The following PPP3CC variants were observed in gnomAD, a reference collection of about 807,000 sequenced individuals.
PPP3CC encodes the protein serine/threonine-protein phosphatase 2B catalytic subunit gamma isoform.
In PPP3CC, 35 loss-of-function variants were observed where a neutral mutation model predicts 60.3. The ratio of observed to expected loss-of-function variants is 0.58; its 90% CI spans 0.44 to 0.77. PPP3CC has a LOEUF of 0.77. PPP3CC is among the 30% of genes least tolerant of loss of function. The pLI, the probability that PPP3CC is intolerant of heterozygous loss-of-function variation, is 0.00. For missense variants in PPP3CC, 570 were observed against 628.9 expected (o/e 0.91, Z 1.00); for synonymous variants, 206 against 224.3 (o/e 0.92, Z 0.73).
chr8:22,442,247 C>T (rs1049890174), intron 1 of PPP3CC, among the ~76,000 whole-genome samples: 1 of 152,226 alleles, frequency 6.6e-6, no homozygotes, highest in African/African-American at 2.4e-5. Flanking sequence ...AAGTCTTAGG[C>T]ACAACCCTTC....
intron 3 of PPP3CC, among the ~76,000 whole-genome samples, chr8:22,485,092 C>T (rs756755649): frequency 6.6e-6 from 1 of 152,086 alleles, no homozygotes; most frequent in Non-Finnish European, 1.5e-5. Context: ...ATGATCCTTA[C>T]GATGTTTGAA....
chr8:22,509,081 T>C (rs986792716), intron 4 of PPP3CC, among the ~76,000 whole-genome samples: 3 of 152,200 alleles, frequency 2.0e-5, no homozygotes, highest in Admixed American at 2.0e-4. Context: ...GTATTGGCGT[T>C]AAAGAGAAAT....
At chr8:22,472,804 C>G (rs534890289) in intron 1 of PPP3CC, among the ~76,000 whole-genome samples, 45 of 152,172 alleles carry the variant, frequency 3.0e-4, no homozygotes, top group Admixed American at 7.9e-4. Context: ...GTTGGGGGTT[C>G]TTTTTCTTTC....
chr8:22,478,315 C>T (rs139830932), intron 3 of PPP3CC, among the ~76,000 whole-genome samples: 3,166 of 145,428 alleles, frequency 0.022, 116 homozygotes, highest in African/African-American at 0.076. Flanking sequence ...CCACACCCGG[C>T]TAATTTCTGT....
At chr8:22,467,723 G>A (rs563165137) in intron 1 of PPP3CC, among the ~76,000 whole-genome samples, 2 of 152,204 alleles carry the variant, frequency 1.3e-5, no homozygotes, top group South Asian at 4.1e-4. Context: ...CACCGCCCCC[G>A]GCCTGTTCAA....
chr8:22,447,744 T>C (rs1323673042), intron 1 of PPP3CC, among the ~76,000 whole-genome samples: 1 of 152,242 alleles, frequency 6.6e-6, no homozygotes. Flanking sequence ...TCCAGATGAA[T>C]GTAGAGAGAA....
chr8:22,540,987 A>G lies in PPP3CC; in HGVS notation c.*185A>G. The G allele has an allele frequency of 2.2e-6, 1 of 447,810 alleles. No individual in the cohort carries two copies. The highest frequency in any genetic ancestry group is 3.7e-6 in the Non-Finnish European group (1 of 270,564). The allele number at this position is 447,810 out of a possible 1,614,324, so 27.7% of individuals were successfully genotyped here. On this transcript the variant is annotated 3_prime_UTR_variant, in exon 14 of 14. Transcript: ENST00000240139. ...TTCTTTTAATTTATGTTCAATATAT[A>G]TAAAAAGTGCATCTGTTTTGTTTTT...
At chr8:22,531,469 C>G in intron 10 of PPP3CC, 1 of 855,734 alleles carries the variant, frequency 1.2e-6, no homozygotes, top group Non-Finnish European at 1.8e-6. Flanking sequence ...TATGTTTTCT[C>G]TGGACCTGTT....
chr8:22,469,252 C>G (rs139060166), intron 1 of PPP3CC, among the ~76,000 whole-genome samples: 37 of 152,170 alleles, frequency 2.4e-4, no homozygotes, highest in Admixed American at 1.4e-3. Context: ...AGACAAATAT[C>G]ATATATTCTC....
intron 1 of PPP3CC, among the ~76,000 whole-genome samples, chr8:22,452,767 A>G (rs1433966068): frequency 6.6e-6 from 1 of 152,236 alleles, no homozygotes; most frequent in Non-Finnish European, 1.5e-5. Flanking sequence ...GCAAGCACAT[A>G]GTGAGTACTC....
At chr8:22,446,426 G>A (rs1259021725) in intron 1 of PPP3CC, among the ~76,000 whole-genome samples, 1 of 152,100 alleles carries the variant, frequency 6.6e-6, no homozygotes, top group African/African-American at 2.4e-5. Flanking sequence ...AAAATGCTAA[G>A]GACTCATTAC....
In PPP3CC at chr8:22,441,140, G is replaced by A. The variant is rs1449443135; in HGVS notation, c.-270G>A. 3 of 338,730 alleles carry A rather than the reference G, an allele frequency of 8.9e-6. No individual in the cohort carries two copies. The highest frequency in any genetic ancestry group is 1.6e-5 in the Non-Finnish European group (3 of 187,800). 21.0% of individuals were successfully genotyped at this position (338,730 alleles called of 1,614,324 possible). A position where few individuals can be genotyped will look rare whatever the true frequency, so the allele number is the denominator to read the frequency against. On this transcript the variant is annotated 5_prime_UTR_variant, in exon 1 of 14. Transcript: ENST00000240139. ...GTCCCGGTCGCCACCCTTAGCAGCG[G>A]TCGCGGTCGGTGCCGAAGCGGTGTT... is the stretch of plus-strand genomic sequence containing the variant.
chr8:22,470,430 A>G (rs1029114185), intron 1 of PPP3CC, among the ~76,000 whole-genome samples: 17 of 152,322 alleles, frequency 1.1e-4, no homozygotes, highest in African/African-American at 4.1e-4. Context: ...AAGAATTGGT[A>G]TATAGTCAAT....
intron 1 of PPP3CC, among the ~76,000 whole-genome samples, chr8:22,457,601 C>A (rs928978786): frequency 6.6e-6 from 1 of 152,180 alleles, no homozygotes; most frequent in Non-Finnish European, 1.5e-5. Flanking sequence ...AGCCACTGCA[C>A]CCAGCCCAAG....
intron 6 of PPP3CC, among the ~76,000 whole-genome samples, chr8:22,517,084 T>C (rs1376175521): frequency 6.6e-6 from 1 of 152,246 alleles, no homozygotes; most frequent in Non-Finnish European, 1.5e-5. Flanking sequence ...TTGCTAATTC[T>C]GTTTTTGCAG....
chr8:22,531,409 G>A, intron 10 of PPP3CC: 1 of 1,370,432 alleles, frequency 7.3e-7, no homozygotes, highest in Admixed American at 2.0e-5. Context: ...AAAATTGGTA[G>A]TTGAATAATT....
chr8:22,452,879 G>C (rs1837077976), intron 1 of PPP3CC, among the ~76,000 whole-genome samples: 1 of 152,164 alleles, frequency 6.6e-6, no homozygotes, highest in Non-Finnish European at 1.5e-5. Context: ...TCATTGCTTT[G>C]CAAATCGCTT....
chr8:22,524,118 A>C (rs1563778109), intron 8 of PPP3CC, among the ~76,000 whole-genome samples: 1 of 152,232 alleles, frequency 6.6e-6, no homozygotes, highest in Non-Finnish European at 1.5e-5. Context: ...AATATAAATT[A>C]CTATAATAAT....
chr8:22,525,539 TCTCC>T (rs201516882), intron 8 of PPP3CC, among the ~76,000 whole-genome samples: 619 of 60,522 alleles, frequency 0.01, 12 homozygotes, highest in African/African-American at 0.033. Flanking sequence ...TCTTTCTTTC[TCTCC>T]CTCTCTCTCT....
Sources: allele counts gnomAD v4.1 joint callset (sites outside exome capture counted in the v4.1 genomes callset), GRCh38; gene constraint gnomAD v4.1.1; transcripts MANE v1.5; gene names NCBI Gene and HGNC (gene_info 2026-07-23, HGNC 2026-07-21).